The following COBL variants were observed in gnomAD, a reference collection of about 807,000 sequenced individuals.
COBL encodes the protein protein cordon-bleu.
COBL carries 51 observed loss-of-function variants against 98.8 expected under a neutral mutation model. The observed-to-expected ratio is 0.52, with a 90% confidence interval of 0.41 to 0.65. COBL has a LOEUF of 0.65. Ranked by LOEUF, COBL falls within the 30% of genes least tolerant of loss-of-function variation. The pLI, the probability that COBL is intolerant of heterozygous loss-of-function variation, is 0.00. For synonymous variants in COBL, 634 were observed against 651.7 expected (o/e 0.97, Z 0.41); for missense variants, 1,617 against 1,617.5 (o/e 1.00, Z 0.01).
Position 51,028,404 on chromosome 7 carries a change from C to T in COBL, c.2692G>A (p.Gly898Ser). 1 of 1,614,270 alleles carries T rather than the reference C, an allele frequency of 6.2e-7. No individual in the cohort carries two copies. The highest frequency in any genetic ancestry group is 8.5e-7 in the Non-Finnish European group (1 of 1,180,050). The change falls in exon 10 of 13, where the codon GGC becomes AGC. Residue 898 changes from glycine (G) to serine (S), a missense_variant. Around this residue, in one of 3 missense-constraint regions of COBL, gnomAD observed 1,304 missense variants for 1,282.0 expected, o/e 1.02. Transcript: ENST00000265136. ...GGTGCAGCCAGCACTGGCGCCTTGC[C>T]TGCATAACCCTTCTCGGCATAACCG... Reference protein sequence around the residue: ...PHGYAEKGYAGKAPVLAAPPV... With the variant: ...PHGYAEKGYASKAPVLAAPPV...
intron 6 of COBL, among the ~76,000 whole-genome samples, chr7:51,107,458 T>C (rs1004631088): frequency 2.0e-5 from 3 of 152,244 alleles, no homozygotes; most frequent in Non-Finnish European, 4.4e-5. Flanking sequence ...CCCAGTTCAG[T>C]AAATATTATA....
rs548199714 is a variant in COBL at position 51,149,220 on chromosome 7, G to C, written c.784-12889C>G. Among the ~76,000 whole-genome samples, 5 of 152,268 alleles carry C rather than the reference G, an allele frequency of 3.3e-5. No homozygotes were observed. The East Asian group carries it at 9.7e-4, about 29-fold the overall frequency. ...CAGAGTCATCTCCTGATGCTTGCCG[G>C]AGGGCTGCAGACACCCATTTTCTGA... is the stretch of plus-strand genomic sequence containing the variant. On this transcript the variant is annotated intron_variant, in intron 5 of 12. Coordinates refer to ENST00000265136, the MANE Select transcript of COBL (RefSeq NM_015198.5).
intron 1 of COBL, among the ~76,000 whole-genome samples, chr7:51,240,673 A>G (rs1303203304): frequency 6.6e-6 from 1 of 150,812 alleles, no homozygotes; most frequent in Non-Finnish European, 1.5e-5. Flanking sequence ...CAGCCTCCAG[A>G]GTAGCTGGGA....
chr7:51,156,345 T>C (rs1358255036), intron 5 of COBL: 1 of 985,264 alleles, frequency 1.0e-6, no homozygotes, highest in Non-Finnish European at 1.2e-6. Context: ...TATCAAATTA[T>C]CTCAGTTTGA....
At chr7:51,154,421 A>G (rs1302514418) in intron 5 of COBL, among the ~76,000 whole-genome samples, 1 of 152,222 alleles carries the variant, frequency 6.6e-6, no homozygotes, top group Non-Finnish European at 1.5e-5. Flanking sequence ...AGCTGACATC[A>G]CTCACAGTTC....
intron 2 of COBL, among the ~76,000 whole-genome samples, chr7:51,217,010 G>C (rs1481773870): frequency 6.6e-6 from 1 of 152,166 alleles, no homozygotes; most frequent in Non-Finnish European, 1.5e-5. Flanking sequence ...TCCCACCAAA[G>C]ACCCACTGGA....
At chr7:51,252,523 G>A (rs1358901315) in intron 1 of COBL, among the ~76,000 whole-genome samples, 1 of 152,156 alleles carries the variant, frequency 6.6e-6, no homozygotes, top group East Asian at 1.9e-4. Context: ...TTAGCCTAAT[G>A]TTTTGAAGGT....
intron 1 of COBL, among the ~76,000 whole-genome samples, chr7:51,254,349 T>C (rs942356286): frequency 3.3e-5 from 5 of 152,224 alleles, no homozygotes; most frequent in Non-Finnish European, 7.3e-5. Flanking sequence ...GTAGTCCTTC[T>C]GGTACAGAAG....
At chr7:51,061,065 C>T (rs1791304872) in intron 7 of COBL, among the ~76,000 whole-genome samples, 1 of 152,184 alleles carries the variant, frequency 6.6e-6, no homozygotes, top group Non-Finnish European at 1.5e-5. Context: ...GTTTGCATCA[C>T]ACCACCAGGT....
chr7:51,089,981 T>C (rs1385838806), intron 6 of COBL, among the ~76,000 whole-genome samples: 1 of 152,234 alleles, frequency 6.6e-6, no homozygotes. Flanking sequence ...ATTAAAATTA[T>C]TTGGTTTTGG....
intron 6 of COBL, among the ~76,000 whole-genome samples, chr7:51,106,868 G>A (rs1369260322): frequency 9.9e-6 from 1 of 100,788 alleles, no homozygotes; most frequent in Non-Finnish European, 2.2e-5. Context: ...TGCTGTTTAA[G>A]TCCTTTTTTT....
chr7:51,221,988 G>C lies in COBL; in HGVS notation c.42-2044C>G, dbSNP rs1793693290. ...CAGACTGCCTGACTCAGGAGCTCAA[G>C]TCCAGCCTGGTCAACACGGTGAAAT... On this transcript the variant is annotated intron_variant, in intron 1 of 12. Transcript: ENST00000265136. Among the ~76,000 whole-genome samples the C allele has an allele frequency of 1.3e-5, 2 of 152,288 alleles. 1 individual carries two copies. Among genetic ancestry groups the C allele is most frequent in the South Asian group, 4.2e-4 (2 of 4,816 alleles).
intron 5 of COBL, among the ~76,000 whole-genome samples, chr7:51,147,208 G>A (rs1785112244): frequency 6.6e-6 from 1 of 152,238 alleles, no homozygotes; most frequent in African/African-American, 2.4e-5. Flanking sequence ...CTGGGAGCCA[G>A]CGCACTGAGA....
intron 6 of COBL, among the ~76,000 whole-genome samples, chr7:51,092,738 C>G (rs1794928162): frequency 6.6e-6 from 1 of 152,056 alleles, no homozygotes; most frequent in Non-Finnish European, 1.5e-5. Context: ...CACCTTTGTT[C>G]TTTTTGCTCA....
intron 5 of COBL, among the ~76,000 whole-genome samples, chr7:51,148,996 C>A (rs758530234): frequency 2.2e-4 from 34 of 152,214 alleles, no homozygotes; most frequent in Non-Finnish European, 4.3e-4. Context: ...AGGGACCACA[C>A]CTCCCTATTT....
chr7:51,238,819 AC>A (rs1020783190), intron 1 of COBL, among the ~76,000 whole-genome samples: 16 of 151,872 alleles, frequency 1.1e-4, no homozygotes, highest in African/African-American at 3.1e-4. Flanking sequence ...TTCCCTGGCA[AC>A]CCTGCCTCAT....
In COBL at chr7:51,098,224, C is replaced by CTTTTTTTTTTTTTTTTTTTTTT. The variant is rs551768231; in HGVS notation, c.958-12921_958-12920insAAAAAAAAAAAAAAAAAAAAAA. 7.5e-4 allele frequency among the ~76,000 whole-genome samples: 76 copies of CTTTTTTTTTTTTTTTTTTTTTT among 100,804 alleles called. 8 individuals are homozygous for CTTTTTTTTTTTTTTTTTTTTTT. In the South Asian group the frequency reaches 8.2e-3, roughly 11 times the overall value. 66.1% of individuals were successfully genotyped at this position (100,804 alleles called of 152,430 possible). A position where few individuals can be genotyped will look rare whatever the true frequency, so the allele number is the denominator to read the frequency against. ...ACTACCAAAATCCCAATAGCAGTTT[C>CTTTTTTTTTTTTTTTTTTTTTT]TTTTTTTTTTTTGGAGAAATAGGAA... On this transcript the variant is annotated intron_variant, in intron 6 of 12. Transcript: ENST00000265136.
chr7:51,160,915 T>G (rs998400876), intron 5 of COBL, among the ~76,000 whole-genome samples: 2 of 152,020 alleles, frequency 1.3e-5, no homozygotes, highest in African/African-American at 4.8e-5. Flanking sequence ...AAAGCTTTTT[T>G]TTTTTTGAGA....
intron 4 of COBL, chr7:51,187,934 T>G: frequency 1.6e-6 from 2 of 1,232,388 alleles, no homozygotes; most frequent in Non-Finnish European, 2.0e-6. Flanking sequence ...CAGGGAAGGC[T>G]CGGACTGAGT....
Sources: gnomAD v4.1 joint callset for allele counts (sites outside exome capture counted in the v4.1 genomes callset) on GRCh38, gnomAD v4.1.1 for gene constraint, gnomAD v4.1.1 regional missense constraint, MANE v1.5 for transcripts, NCBI Gene and HGNC (gene_info 2026-07-23, HGNC 2026-07-21) for gene names.